Variants in SDK1 observed in about 807,000 individuals in gnomAD.
The protein encoded by SDK1 is protein sidekick-1.
SDK1 carries 157 observed loss-of-function variants against 245.5 expected under a neutral mutation model. The ratio of observed to expected loss-of-function variants is 0.64; its 90% CI spans 0.56 to 0.73. SDK1 has a LOEUF of 0.73. SDK1 is among the 30% of genes least tolerant of loss of function. The probability of loss-of-function intolerance (pLI) is 0.00; values close to 1 mark genes in which losing one functional copy is unlikely to be tolerated. For missense variants in SDK1, 3,583 were observed against 3,002.3 expected, an observed-to-expected ratio of 1.19 and a Z score of -4.52; for synonymous variants, 1,647 against 1,278.5, an observed-to-expected ratio of 1.29 and a Z score of -6.15.
intron 5 of SDK1, among the ~76,000 whole-genome samples, chr7:3,884,233 A>C (rs1436126721): frequency 6.6e-6 from 1 of 152,058 alleles, no homozygotes; most frequent in Non-Finnish European, 1.5e-5. Context: ...GGCGTGAGCC[A>C]CTGCACCCGG....
chr7:4,139,470 T>C (rs1779340052), intron 28 of SDK1, among the ~76,000 whole-genome samples: 2 of 131,460 alleles, frequency 1.5e-5, no homozygotes, highest in Non-Finnish European at 3.5e-5. Flanking sequence ...TGTATATATG[T>C]GTGTGTATAT....
At chr7:4,203,412 G>A (rs918590975) in intron 35 of SDK1, among the ~76,000 whole-genome samples, 2 of 152,108 alleles carry the variant, frequency 1.3e-5, no homozygotes, top group Non-Finnish European at 2.9e-5. Context: ...AGACCCCAGA[G>A]AAAACCCCAG....
At position 4,119,828 on chromosome 7, in the gene SDK1, A is replaced by G. The variant is rs550872583; in HGVS notation, c.3823+5554A>G. On this transcript the variant is annotated intron_variant, in intron 25 of 44. Coordinates refer to ENST00000404826, the MANE Select transcript of SDK1 (RefSeq NM_152744.4). ...GCCATGAGTAAAAATGACCAGTTTT[A>G]AAAAAAGAGAGAAAGATAGAGGGCT... 7.4e-5 allele frequency among the ~76,000 whole-genome samples: 11 copies of G among 149,130 alleles called. No individual in the cohort carries two copies. In the East Asian group the frequency reaches 1.9e-3, roughly 26 times the overall value.
intron 30 of SDK1, among the ~76,000 whole-genome samples, chr7:4,152,261 C>T (rs1417497712): frequency 2.0e-5 from 3 of 152,272 alleles, no homozygotes; most frequent in African/African-American, 7.2e-5. Flanking sequence ...CAACAGAACT[C>T]GAGGGGCACA....
intron 5 of SDK1, among the ~76,000 whole-genome samples, chr7:3,944,526 G>C (rs1419263861): frequency 6.6e-6 from 1 of 152,164 alleles, no homozygotes; most frequent in Non-Finnish European, 1.5e-5. Flanking sequence ...TTGAGTATTT[G>C]ATGAGTGTTT....
At chr7:3,890,326 A>G (rs1484326297) in intron 5 of SDK1, among the ~76,000 whole-genome samples, 2 of 152,256 alleles carry the variant, frequency 1.3e-5, no homozygotes, top group East Asian at 1.9e-4. Flanking sequence ...TGTGAAATAC[A>G]CAGCAGATTG....
intron 30 of SDK1, among the ~76,000 whole-genome samples, chr7:4,153,158 G>T (rs577874261): frequency 6.6e-6 from 1 of 152,108 alleles, no homozygotes; most frequent in East Asian, 1.9e-4. Flanking sequence ...ACAGAAAGGC[G>T]CAGAGGGAAT....
chr7:3,395,391 C>T lies in SDK1; in HGVS notation c.298+93507C>T, dbSNP rs551402407. ...ACTAATATTTTATTGAGGATTTTTG[C>T]ATCTGTGTTTGTGAGAGATACTGGT... is the stretch of plus-strand genomic sequence containing the variant. On this transcript the variant is annotated intron_variant, in intron 1 of 44. Transcript: ENST00000404826. 5.3e-5 allele frequency among the ~76,000 whole-genome samples: 8 copies of T among 151,842 alleles called. No homozygotes were observed. In the South Asian group the frequency reaches 1.7e-3, roughly 32 times the overall value.
intron 4 of SDK1, among the ~76,000 whole-genome samples, chr7:3,794,006 C>T (rs1422002543): frequency 1.3e-5 from 2 of 152,160 alleles, no homozygotes; most frequent in Non-Finnish European, 2.9e-5. Context: ...TCCTAGTAGT[C>T]GGCTGCCCTC....
chr7:3,773,666 T>G (rs1324564700), intron 4 of SDK1, among the ~76,000 whole-genome samples: 1 of 152,180 alleles, frequency 6.6e-6, no homozygotes, highest in Non-Finnish European at 1.5e-5. Context: ...AATATGGAAA[T>G]CAGATTTCCC....
rs941005061 is a variant in SDK1, at chr7:3,851,181, C to T, written c.847+29598C>T. Among the ~76,000 whole-genome samples, 5 of 152,140 alleles carry T rather than the reference C, an allele frequency of 3.3e-5. No individual in the cohort carries two copies. The East Asian group carries it at 9.6e-4, about 29-fold the overall frequency. ...AAAATTATCATTTTATTAAAATTCA[C>T]TTAAAGCTTGTTGAAAGCAGGCAGA... On this transcript the variant is annotated intron_variant, in intron 5 of 44. Transcript: ENST00000404826.
At chr7:3,600,121 T>C (rs1421487900) in intron 1 of SDK1, among the ~76,000 whole-genome samples, 1 of 152,228 alleles carries the variant, frequency 6.6e-6, no homozygotes, top group Non-Finnish European at 1.5e-5. Flanking sequence ...TTTTATAATT[T>C]TCAGCATACA....
At chr7:3,545,908 T>C (rs935393934) in intron 1 of SDK1, among the ~76,000 whole-genome samples, 22 of 152,266 alleles carry the variant, frequency 1.4e-4, no homozygotes, top group African/African-American at 5.1e-4. Flanking sequence ...TTTGAGTTGC[T>C]GTCCATTTAG....
chr7:4,085,092 C>T (rs1781345091), intron 22 of SDK1, among the ~76,000 whole-genome samples: 1 of 152,122 alleles, frequency 6.6e-6, no homozygotes, highest in East Asian at 1.9e-4. Context: ...TATATTTTCC[C>T]TTACTCTAAG....
At chr7:4,151,595 C>T (rs1780386511) in intron 30 of SDK1, among the ~76,000 whole-genome samples, 1 of 152,208 alleles carries the variant, frequency 6.6e-6, no homozygotes, top group South Asian at 2.1e-4. Flanking sequence ...AGCTTCCAGA[C>T]AGTTAAAGCT....
At chr7:3,608,583 A>G (rs1781494304) in intron 1 of SDK1, among the ~76,000 whole-genome samples, 2 of 152,216 alleles carry the variant, frequency 1.3e-5, no homozygotes, top group Admixed American at 6.5e-5. Context: ...GCATTATTTA[A>G]GGAGGTGTCT....
rs182167105 is a variant in SDK1, at chr7:4,113,759, T to C, written c.3586-278T>C. ...ACATGGAACCAATACTCAATATTTGTAAGAGAGCCAGCCTGATATTTAATC... is the reference window on the plus strand; with the variant it reads ...ACATGGAACCAATACTCAATATTTGCAAGAGAGCCAGCCTGATATTTAATC... On this transcript the variant is annotated intron_variant, in intron 24 of 44. Coordinates refer to ENST00000404826, the MANE Select transcript of SDK1 (RefSeq NM_152744.4). 4.6e-5 allele frequency among the ~76,000 whole-genome samples: 7 copies of C among 152,314 alleles called. No homozygotes were observed. In the East Asian group the frequency reaches 1.4e-3, roughly 29 times the overall value.
At chr7:3,645,495 A>G (rs1000469714) in intron 4 of SDK1, among the ~76,000 whole-genome samples, 2 of 152,238 alleles carry the variant, frequency 1.3e-5, no homozygotes, top group Admixed American at 6.5e-5. Context: ...GTCCAAAGAC[A>G]TATAGCTTTC....
intron 5 of SDK1, among the ~76,000 whole-genome samples, chr7:3,901,014 C>G (rs967635632): frequency 3.3e-5 from 5 of 151,974 alleles, no homozygotes; most frequent in African/African-American, 1.2e-4. Context: ...TATTTACTGT[C>G]TTTAGTAAAA....
Sources: allele counts gnomAD v4.1 joint callset (sites outside exome capture counted in the v4.1 genomes callset), GRCh38; gene constraint gnomAD v4.1.1; transcripts MANE v1.5; gene names NCBI Gene and HGNC (gene_info 2026-07-23, HGNC 2026-07-21).